The following AKAP6 variants were observed in gnomAD, a reference collection of about 807,000 sequenced individuals.
AKAP6 encodes A-kinase anchoring protein 6.
Under a neutral mutation model 188.5 loss-of-function variants are expected in AKAP6, and 58 were observed. The ratio of observed to expected loss-of-function variants is 0.31; its 90% CI spans 0.25 to 0.38. The LOEUF is 0.38. Among genes scored for constraint, AKAP6 ranks in the 10% least tolerant of loss-of-function variants. The pLI is 1.00. For missense variants in AKAP6, 2,710 were observed against 2,740.0 expected (o/e 0.99, Z 0.24); for synonymous variants, 989 against 998.6 (o/e 0.99, Z 0.18).
chr14:32,530,403 G>A (rs967685397), intron 2 of AKAP6, among the ~76,000 whole-genome samples: 1 of 151,972 alleles, frequency 6.6e-6, no homozygotes, highest in Non-Finnish European at 1.5e-5. Context: ...GCAACTTTGT[G>A]GAACTGAGGT....
chr14:32,520,549 T>A (rs1183752210), intron 2 of AKAP6, among the ~76,000 whole-genome samples: 1 of 152,088 alleles, frequency 6.6e-6, no homozygotes, highest in African/African-American at 2.4e-5. Context: ...CAAACTACCA[T>A]CAGAGAATAC....
intron 9 of AKAP6, among the ~76,000 whole-genome samples, chr14:32,697,857 C>T (rs949625356): frequency 6.6e-6 from 1 of 152,074 alleles, no homozygotes; most frequent in East Asian, 1.9e-4. Context: ...CCCATTCTGG[C>T]ATATTGAAGG....
chr14:32,807,325 CA>C (rs10707499), intron 12 of AKAP6, among the ~76,000 whole-genome samples: 24,065 of 105,046 alleles, frequency 0.23, 2,083 homozygotes, highest in African/African-American at 0.35. Context: ...GACCATGTCT[CA>C]AAAAAAAAAA....
rs537641154 is a variant in AKAP6 at position 32,423,309 on chromosome 14, A to G, written c.-34-10151A>G. On this transcript the variant is annotated intron_variant, in intron 1 of 13. Transcript: ENST00000280979. The stretch of plus-strand genomic sequence containing the variant: ...CTCAGCCTCCCTGGTATCTGGGACT[A>G]CGGGTACATGCCACCACGCCTGGCT... Among the ~76,000 whole-genome samples the G allele has an allele frequency of 3.2e-3, 480 of 152,248 alleles. 2 individuals are homozygous for G. Among genetic ancestry groups the G allele is most frequent in the Middle Eastern group, 0.017 (5 of 294 alleles).
chr14:32,507,876 C>T (rs1434011260), intron 2 of AKAP6, among the ~76,000 whole-genome samples: 1 of 152,194 alleles, frequency 6.6e-6, no homozygotes, highest in East Asian at 1.9e-4. Flanking sequence ...GTATGAAACC[C>T]ATGTTCTCTG....
At position 32,348,018 on chromosome 14, in the gene AKAP6, C is replaced by T. The variant is rs774853177; in HGVS notation, c.-35+18610C>T. On this transcript the variant is annotated intron_variant, in intron 1 of 13. Coordinates refer to ENST00000280979, the MANE Select transcript of AKAP6 (RefSeq NM_004274.5). ...GCCCTGAGGGACATTTGTGTGTAGCCACATGGACCCTGAAGGCCATGACCC... is the reference window on the plus strand; with the variant it reads ...GCCCTGAGGGACATTTGTGTGTAGCTACATGGACCCTGAAGGCCATGACCC... Among the ~76,000 whole-genome samples the T allele has an allele frequency of 3.7e-4, 56 of 152,184 alleles. 1 individual carries two copies. Among genetic ancestry groups the T allele is most frequent in the Admixed American group, 6.5e-4 (10 of 15,286 alleles).
intron 2 of AKAP6, among the ~76,000 whole-genome samples, chr14:32,437,003 G>A (rs1242567405): frequency 6.6e-6 from 1 of 152,156 alleles, no homozygotes; most frequent in African/African-American, 2.4e-5. Flanking sequence ...TAAAACTAAA[G>A]CTTTTTCCTG....
chr14:32,405,119 G>A (rs1435038930), intron 1 of AKAP6, among the ~76,000 whole-genome samples: 1 of 151,970 alleles, frequency 6.6e-6, no homozygotes, highest in Non-Finnish European at 1.5e-5. Context: ...CAAGCCAGTG[G>A]TCCTGTATGA....
rs1406480125 is a variant in AKAP6 at position 32,540,192 on chromosome 14, A to ATATATATATTTTTT, written c.576+4388_576+4389insATATATATTTTTTT. On this transcript the variant is annotated intron_variant, in intron 3 of 13. Coordinates refer to ENST00000280979, the MANE Select transcript of AKAP6 (RefSeq NM_004274.5). ...TCTATATATATATATATATATATATATTTTAATTTTTTATTTTTTTTTTTG... is the reference window on the plus strand; with the variant it reads ...TCTATATATATATATATATATATATATATATATATTTTTTTTTTAATTTTTTATTTTTTTTTTTG... 3.6e-4 allele frequency among the ~76,000 whole-genome samples: 44 copies of ATATATATATTTTTT among 123,410 alleles called. 1 individual carries two copies. Among genetic ancestry groups the ATATATATATTTTTT allele is most frequent in the South Asian group, 1.8e-3 (7 of 3,794 alleles). 81.0% of individuals were successfully genotyped at this position (123,410 alleles called of 152,430 possible).
intron 2 of AKAP6, among the ~76,000 whole-genome samples, chr14:32,525,217 A>G (rs896862291): frequency 3.3e-5 from 5 of 152,212 alleles, no homozygotes; most frequent in African/African-American, 1.2e-4. Context: ...TCTCCAGTGT[A>G]CAATAACAAT....
intron 1 of AKAP6, among the ~76,000 whole-genome samples, chr14:32,378,078 T>C (rs1337118278): frequency 6.6e-6 from 1 of 152,156 alleles, no homozygotes; most frequent in African/African-American, 2.4e-5. Context: ...AAAAGAACAT[T>C]ATGCTCTAAA....
chr14:32,495,506 C>A (rs553390695), intron 2 of AKAP6: 2 of 152,284 alleles, frequency 1.3e-5, no homozygotes, highest in African/African-American at 4.8e-5. Flanking sequence ...CTCTCCTGCA[C>A]ATAGCACGTT....
At chr14:32,373,874 G>T (rs1195762782) in intron 1 of AKAP6, among the ~76,000 whole-genome samples, 1 of 152,146 alleles carries the variant, frequency 6.6e-6, no homozygotes, top group Non-Finnish European at 1.5e-5. Context: ...ACACGTAAAA[G>T]TCTTTATAGG....
At chr14:32,682,158 G>C (rs1889704640) in intron 8 of AKAP6, among the ~76,000 whole-genome samples, 1 of 152,204 alleles carries the variant, frequency 6.6e-6, no homozygotes, top group Non-Finnish European at 1.5e-5. Flanking sequence ...AGACAGCAGA[G>C]AGAGAGGGCT....
intron 5 of AKAP6, among the ~76,000 whole-genome samples, chr14:32,578,621 A>G (rs891315394): frequency 1.3e-5 from 2 of 152,218 alleles, no homozygotes; most frequent in Non-Finnish European, 2.9e-5. Context: ...GTTCTGACAG[A>G]AATTCTAATC....
At chr14:32,693,281 C>T (rs1470437213) in intron 8 of AKAP6, 1 of 152,182 alleles carries the variant, frequency 6.6e-6, no homozygotes, top group African/African-American at 2.4e-5. Context: ...ACTCAGCCCT[C>T]ACTGACCCTG....
chr14:32,344,758 A>G (rs1887008523), intron 1 of AKAP6, among the ~76,000 whole-genome samples: 1 of 152,118 alleles, frequency 6.6e-6, no homozygotes, highest in Non-Finnish European at 1.5e-5. Flanking sequence ...TCTACTAAAA[A>G]TACAAAAATT....
chr14:32,730,294 T>C (rs1400002637), intron 9 of AKAP6, among the ~76,000 whole-genome samples: 2 of 152,308 alleles, frequency 1.3e-5, no homozygotes, highest in East Asian at 3.9e-4. Flanking sequence ...TAAATCAAGC[T>C]GTTTAGACAG....
intron 2 of AKAP6, among the ~76,000 whole-genome samples, chr14:32,437,982 A>G (rs7157869): frequency 0.29 from 44,427 of 151,970 alleles, 11,730 homozygotes; most frequent in African/African-American, 0.71. Flanking sequence ...CAAGTTTTCT[A>G]TTGTATGTCT....
Sources: allele counts gnomAD v4.1 joint callset (sites outside exome capture counted in the v4.1 genomes callset), GRCh38; gene constraint gnomAD v4.1.1; transcripts MANE v1.5; gene names NCBI Gene and HGNC (gene_info 2026-07-23, HGNC 2026-07-21).